ADK: variants seen among roughly 807,000 people sequenced by gnomAD.
ADK encodes adenosine kinase, also known as N6,N6-dimethyladenosine kinase.
In ADK, 24 loss-of-function variants were observed where a neutral mutation model predicts 44.7. The ratio of observed to expected loss-of-function variants is 0.54; its 90% CI spans 0.39 to 0.76. The LOEUF is 0.76. Ranked by LOEUF, ADK falls within the 30% of genes least tolerant of loss-of-function variation. The pLI is 0.00. For synonymous variants in ADK, 128 were observed against 142.6 expected (o/e 0.90, Z 0.73); for missense variants, 321 against 425.1 (o/e 0.76, Z 2.15).
intron 1 of ADK, among the ~76,000 whole-genome samples, chr10:74,195,089 C>CA (rs1843078087): frequency 1.2e-4 from 11 of 89,564 alleles, no homozygotes; most frequent in Non-Finnish European, 2.1e-4. Flanking sequence ...GCTCCCCCCC[C>CA]CAAAAAAAAA....
At chr10:74,255,830 C>T (rs1409617348) in intron 3 of ADK, among the ~76,000 whole-genome samples, 1 of 152,184 alleles carries the variant, frequency 6.6e-6, no homozygotes, top group Non-Finnish European at 1.5e-5. Flanking sequence ...TACTGCTGTT[C>T]TTTAAGACCA....
At chr10:74,553,771 T>G (rs1359782815) in intron 7 of ADK, among the ~76,000 whole-genome samples, 1 of 152,156 alleles carries the variant, frequency 6.6e-6, no homozygotes, top group Non-Finnish European at 1.5e-5. Context: ...CTATGTCTTG[T>G]TTTGGATAAC....
chr10:74,650,778 G>C lies in ADK; in HGVS notation c.878-19405G>C, dbSNP rs558548760. On this transcript the variant is annotated intron_variant, in intron 9 of 10. Coordinates refer to ENST00000539909, the MANE Select transcript of ADK (RefSeq NM_006721.4). ...TTTGTATATGGTGTCTGGGTCATCT[G>C]AGGAAGTTAAAATAGTATTGTGATC... is the stretch of plus-strand genomic sequence containing the variant. Among the ~76,000 whole-genome samples, 3 of 152,320 alleles carry C rather than the reference G, an allele frequency of 2.0e-5. No homozygotes were observed. In the East Asian group the frequency reaches 5.8e-4, roughly 29 times the overall value.
At chr10:74,483,541 T>G (rs1431173241) in intron 6 of ADK, among the ~76,000 whole-genome samples, 3 of 152,208 alleles carry the variant, frequency 2.0e-5, no homozygotes, top group Admixed American at 2.0e-4. Flanking sequence ...AAATTTCTCT[T>G]TTCTACCACA....
At chr10:74,244,129 T>C (rs1845326958) in intron 3 of ADK, among the ~76,000 whole-genome samples, 1 of 152,248 alleles carries the variant, frequency 6.6e-6, no homozygotes, top group Non-Finnish European at 1.5e-5. Flanking sequence ...CTTGGTTCAA[T>C]ATTCAAATAT....
intron 4 of ADK, among the ~76,000 whole-genome samples, chr10:74,320,149 T>C (rs1840760914): frequency 6.6e-6 from 1 of 152,208 alleles, no homozygotes; most frequent in Non-Finnish European, 1.5e-5. Flanking sequence ...GTAGGGCAGG[T>C]CTATTGTTAA....
chr10:74,429,549 A>T (rs975382212), intron 6 of ADK, among the ~76,000 whole-genome samples: 3 of 152,210 alleles, frequency 2.0e-5, no homozygotes, highest in Non-Finnish European at 4.4e-5. Flanking sequence ...AAAGAGATTT[A>T]AAAAATATCT....
intron 3 of ADK, among the ~76,000 whole-genome samples, chr10:74,235,680 G>A (rs1420011829): frequency 6.6e-6 from 1 of 152,166 alleles, no homozygotes; most frequent in Non-Finnish European, 1.5e-5. Flanking sequence ...TTTCCTGTGT[G>A]GGAGTGAGCT....
chr10:74,659,317 A>G (rs1854608505), intron 9 of ADK, among the ~76,000 whole-genome samples: 1 of 152,246 alleles, frequency 6.6e-6, no homozygotes, highest in Non-Finnish European at 1.5e-5. Context: ...TCATTTTTCC[A>G]TGGAAAACTA....
chr10:74,626,019 A>T (rs1360793284), intron 9 of ADK, among the ~76,000 whole-genome samples: 3 of 152,236 alleles, frequency 2.0e-5, no homozygotes, highest in Non-Finnish European at 2.9e-5. Context: ...TAAATAAATC[A>T]ACTAGTGTAG....
chr10:74,403,743 G>A (rs1308383145), intron 6 of ADK, among the ~76,000 whole-genome samples: 1 of 152,148 alleles, frequency 6.6e-6, no homozygotes, highest in Non-Finnish European at 1.5e-5. Flanking sequence ...TCTGTGGGCT[G>A]CATCCACTGT....
intron 7 of ADK, among the ~76,000 whole-genome samples, chr10:74,550,626 G>A (rs767929230): frequency 6.6e-6 from 1 of 152,062 alleles, no homozygotes; most frequent in Non-Finnish European, 1.5e-5. Context: ...AGTAGTGTTT[G>A]GTAGATTGGA....
At chr10:74,454,391 T>C (rs1299001272) in intron 6 of ADK, among the ~76,000 whole-genome samples, 1 of 152,174 alleles carries the variant, frequency 6.6e-6, no homozygotes, top group Non-Finnish European at 1.5e-5. Context: ...TTATACTTTT[T>C]ATTTTAAAAA....
chr10:74,690,460 T>G (rs1293461525), intron 10 of ADK, among the ~76,000 whole-genome samples: 1 of 152,192 alleles, frequency 6.6e-6, no homozygotes, highest in Non-Finnish European at 1.5e-5. Context: ...CACACCACTG[T>G]TCTCCAACCT....
chr10:74,348,175 A>G (rs1841840485), intron 4 of ADK, among the ~76,000 whole-genome samples: 1 of 152,136 alleles, frequency 6.6e-6, no homozygotes, highest in South Asian at 2.1e-4. Context: ...GACACCTCAA[A>G]CAGGAGAGCT....
intron 4 of ADK, among the ~76,000 whole-genome samples, chr10:74,321,621 A>T (rs929089576): frequency 6.6e-6 from 1 of 152,172 alleles, no homozygotes; most frequent in Non-Finnish European, 1.5e-5. Flanking sequence ...CTTACATTCA[A>T]TCTTCCAGTT....
intron 10 of ADK, among the ~76,000 whole-genome samples, chr10:74,689,767 C>T (rs1447544052): frequency 6.6e-6 from 1 of 152,206 alleles, no homozygotes; most frequent in East Asian, 1.9e-4. Context: ...TCCACAGCTT[C>T]TTTACCTCAA....
At chr10:74,507,167 A>G (rs1848112476) in intron 6 of ADK, among the ~76,000 whole-genome samples, 1 of 152,234 alleles carries the variant, frequency 6.6e-6, no homozygotes, top group East Asian at 1.9e-4. Context: ...ACCATGAAAA[A>G]ATGAAAAAAA....
At chr10:74,630,164 C>T (rs938311640) in intron 9 of ADK, among the ~76,000 whole-genome samples, 1 of 151,924 alleles carries the variant, frequency 6.6e-6, no homozygotes, top group Non-Finnish European at 1.5e-5. Flanking sequence ...CAAACATTAG[C>T]ATTTTATATA....
Sources: gnomAD v4.1 joint callset for allele counts (sites outside exome capture counted in the v4.1 genomes callset) on GRCh38, gnomAD v4.1.1 for gene constraint, MANE v1.5 for transcripts, NCBI Gene and HGNC (gene_info 2026-07-23, HGNC 2026-07-21) for gene names.